The following KCNMB3 variants were observed in gnomAD, a reference collection of about 807,000 sequenced individuals.
The protein encoded by KCNMB3 is potassium calcium-activated channel subfamily M regulatory beta subunit 3.
In KCNMB3, 18 loss-of-function variants were observed where a neutral mutation model predicts 11.9. The observed-to-expected ratio is 1.51, with a 90% CI of 1.04 to 2.23. KCNMB3 has a LOEUF of 2.23. Among genes scored for constraint, KCNMB3 ranks in the 30% most tolerant of loss-of-function variants. The probability of loss-of-function intolerance (pLI) is 0.00; values close to 1 mark genes in which losing one functional copy is unlikely to be tolerated. For missense variants in KCNMB3, 247 were observed against 329.4 expected, an observed-to-expected ratio of 0.75 and a Z score of 1.94; for synonymous variants, 78 against 119.2, an observed-to-expected ratio of 0.65 and a Z score of 2.25.
rs563462810 is a variant in KCNMB3, at chr3:179,250,834, G to A, written c.157C>T (p.Arg53Ter). 5.0e-6 allele frequency: 8 copies of A among 1,614,098 alleles called. No homozygotes were observed. The highest frequency in any genetic ancestry group is 2.7e-5 in the African/African-American group (2 of 75,020). The stretch of plus-strand genomic sequence containing the variant: ...ATGGCAAACCCCAGCATCACGGCTC[G>A]GTCCTCTCCAGCACTGGATGGCAGC... ...KRLPSSAGED[R>*]AVMLGFAMMG... is the part of the protein sequence containing the mutation. Residue 53 changes from arginine to a stop codon, truncating the protein, a stop_gained, in exon 1 of 3, where the codon CGA (arginine) becomes TGA (stop). Transcript: ENST00000392685. LOFTEE classifies it high-confidence loss of function.
chr3:179,241,235 T>C (rs1275474403), downstream of KCNMB3: 1 of 152,084 alleles, frequency 6.6e-6, no homozygotes, highest in East Asian at 1.9e-4. Context: ...GCTTATTCCA[T>C]AAAATAACAA....
At position 179,260,739 on chromosome 3, in the gene KCNMB3, C is replaced by T; in HGVS notation, c.62+5910G>A. 9 of 1,443,912 alleles carry T rather than the reference C, an allele frequency of 6.2e-6. No homozygotes were observed. The South Asian group carries it at 9.2e-5, about 15-fold the overall frequency. 89.4% of individuals were successfully genotyped at this position (1,443,912 alleles called of 1,614,324 possible). A position where few individuals can be genotyped will look rare whatever the true frequency, so the allele number is the denominator to read the frequency against. On this transcript the variant is annotated intron_variant, in intron 1 of 3. Transcript: ENST00000349697. Reference sequence around the variant, plus strand: ...TGCTTCAGGGCCTCCTTGACTTCAGCAAACTGAAACTGCAGTATACTGTGG... The same window carrying T: ...TGCTTCAGGGCCTCCTTGACTTCAGTAAACTGAAACTGCAGTATACTGTGG...
upstream of KCNMB3, among the ~76,000 whole-genome samples, chr3:179,254,565 C>A (rs1353557365): frequency 6.6e-6 from 1 of 152,124 alleles, no homozygotes; most frequent in African/African-American, 2.4e-5. Context: ...AATCCCAGCA[C>A]TTTTGGAGGT....
At chr3:179,254,641 T>C (rs1725953068), upstream of KCNMB3, among the ~76,000 whole-genome samples, 1 of 151,918 alleles carries the variant, frequency 6.6e-6, no homozygotes, top group Non-Finnish European at 1.5e-5. Context: ...AGAAACCCTA[T>C]CTCTACTAAA....
chr3:179,261,120 C>T lies in KCNMB3; in HGVS notation c.62+5529G>A, dbSNP rs957875999. 6 of 1,280,972 alleles carry T rather than the reference C, an allele frequency of 4.7e-6. No homozygotes were observed. The African/African-American group carries it at 5.9e-5, about 13-fold the overall frequency. The allele number at this position is 1,280,972 out of a possible 1,614,324, so 79.4% of individuals were successfully genotyped here. A position where few individuals can be genotyped will look rare whatever the true frequency, so the allele number is the denominator to read the frequency against. On this transcript the variant is annotated intron_variant, in intron 1 of 3. Transcript: ENST00000349697. ...AAATATTTTTCTGGTCTCTCTTCTA[C>T]CTCCTTCTGCTGCCGCTCCAGCTCC...
chr3:179,260,201 T>C, intron 1 of KCNMB3: 2 of 1,613,658 alleles, frequency 1.2e-6, no homozygotes, highest in Admixed American at 1.7e-5. Context: ...TCCCACCATC[T>C]AAGTCACTCC....
At chr3:179,256,263 C>G (rs958748248), upstream of KCNMB3, among the ~76,000 whole-genome samples, 1 of 152,070 alleles carries the variant, frequency 6.6e-6, no homozygotes, top group African/African-American at 2.4e-5. Flanking sequence ...TGGCGAAACC[C>G]CATCTCTACA....
At chr3:179,259,457 T>C in intron 1 of KCNMB3, 1 of 1,612,956 alleles carries the variant, frequency 6.2e-7, no homozygotes, top group Non-Finnish European at 8.5e-7. Flanking sequence ...CTGCTGTTTT[T>C]ACATCATTGC....
chr3:179,251,432 T>G, upstream of KCNMB3: 1 of 1,427,956 alleles, frequency 7.0e-7, no homozygotes, highest in Middle Eastern at 2.6e-4. Flanking sequence ...CCAGAATTTC[T>G]GGCCACTGCC....
intron 1 of KCNMB3, among the ~76,000 whole-genome samples, chr3:179,265,172 T>A (rs1726338081): frequency 6.6e-6 from 1 of 152,204 alleles, no homozygotes; most frequent in South Asian, 2.1e-4. Flanking sequence ...CACAAAAAAA[T>A]TGGTTCATGT....
chr3:179,266,908 A>G, exon 1 of KCNMB3: 1 of 1,418,594 alleles, frequency 7.0e-7, no homozygotes, highest in Middle Eastern at 2.6e-4. Context: ...GTGGTTCTGC[A>G]GACTCCTGGC....
At chr3:179,252,785 G>A (rs1472023440), upstream of KCNMB3, among the ~76,000 whole-genome samples, 1 of 147,362 alleles carries the variant, frequency 6.8e-6, no homozygotes, top group Non-Finnish European at 1.5e-5. Context: ...AGGCTGGAGT[G>A]CAGTGGGGCA....
chr3:179,244,703 GA>G lies in KCNMB3; in HGVS notation c.249-11del, dbSNP rs59453404. On this transcript the variant is annotated splice_polypyrimidine_tract_variant and intron_variant, in intron 1 of 2. Transcript: ENST00000392685. ...TTCTTCTCTCTGAATGCTTCAATTT[GA>G]AAAAAAAAAAATGTTCTTCACTTAT... 0.016 allele frequency: 20,258 copies of G among 1,238,632 alleles called. 4 individuals are homozygous for G. Among genetic ancestry groups the G allele is most frequent in the East Asian group, 0.02 (572 of 28,786 alleles). 76.7% of individuals were successfully genotyped at this position (1,238,632 alleles called of 1,614,324 possible). A position where few individuals can be genotyped will look rare whatever the true frequency, so the allele number is the denominator to read the frequency against.
upstream of KCNMB3, chr3:179,251,688 A>G: frequency 8.2e-7 from 1 of 1,219,116 alleles, no homozygotes; most frequent in Non-Finnish European, 1.0e-6. Flanking sequence ...CAGCCCACAG[A>G]TGTGTTTTGT....
intron 1 of KCNMB3, chr3:179,260,266 C>T: frequency 6.2e-7 from 1 of 1,614,012 alleles, no homozygotes. Flanking sequence ...GCACCCATGA[C>T]CTCATTTGAC....
In KCNMB3 at chr3:179,266,079, G is replaced by A. The variant is rs752620685; in HGVS notation, c.62+570C>T. Among the ~76,000 whole-genome samples the A allele has an allele frequency of 4.6e-5, 7 of 152,198 alleles. No individual in the cohort carries two copies. In the South Asian group the frequency reaches 6.2e-4, roughly 14 times the overall value. Reference sequence around the variant, plus strand: ...GATGTGGTATACTGTGCTGAGACACGCAGGGGCTCTTACTATCTGCATTTC... The same window carrying A: ...GATGTGGTATACTGTGCTGAGACACACAGGGGCTCTTACTATCTGCATTTC... On this transcript the variant is annotated intron_variant, in intron 1 of 3. Transcript: ENST00000349697.
chr3:179,267,021 A>C (rs1576967443), upstream of KCNMB3: 1 of 860,292 alleles, frequency 1.2e-6, no homozygotes, highest in East Asian at 4.8e-5. Flanking sequence ...CCACCTCATC[A>C]CCTGTGTTTC....
At chr3:179,251,525 C>G (rs1241501346), upstream of KCNMB3, 1 of 1,367,996 alleles carries the variant, frequency 7.3e-7, no homozygotes, top group Non-Finnish European at 9.4e-7. Flanking sequence ...ACTCATGGTT[C>G]TGCATAAGTG....
At chr3:179,249,865 C>T (rs1056358886) in intron 1 of KCNMB3, among the ~76,000 whole-genome samples, 3 of 152,034 alleles carry the variant, frequency 2.0e-5, no homozygotes, top group Non-Finnish European at 2.9e-5. Flanking sequence ...GGGAGCAACA[C>T]ACACTGGGGC....
Sources: allele counts gnomAD v4.1 joint callset (sites outside exome capture counted in the v4.1 genomes callset), GRCh38; gene constraint gnomAD v4.1.1; transcripts MANE v1.5; gene names NCBI Gene and HGNC (gene_info 2026-07-23, HGNC 2026-07-21).